Variants in ZDHHC20 observed in about 807,000 individuals in gnomAD.
ZDHHC20 encodes the protein zDHHC palmitoyltransferase 20.
In ZDHHC20, 43 loss-of-function variants were observed where a neutral mutation model predicts 57.8. The ratio of observed to expected loss-of-function variants is 0.74; its 90% confidence interval spans 0.58 to 0.96. The LOEUF (loss-of-function observed/expected upper bound fraction) is 0.96. Ranked by LOEUF, ZDHHC20 falls within the 40% of genes least tolerant of loss-of-function variation. The pLI is 0.00. For synonymous variants in ZDHHC20, 157 were observed against 153.0 expected (o/e 1.03, Z -0.19); for missense variants, 391 against 441.1 (o/e 0.89, Z 1.02).
At chr13:21,409,864 C>A (rs2094800057) in intron 4 of ZDHHC20, among the ~76,000 whole-genome samples, 1 of 152,178 alleles carries the variant, frequency 6.6e-6, no homozygotes, top group Non-Finnish European at 1.5e-5. Flanking sequence ...TTATTATCCA[C>A]CTTCTGAAGC....
At chr13:21,438,774 AAAGG>A (rs1207901013) in intron 1 of ZDHHC20, among the ~76,000 whole-genome samples, 2 of 152,194 alleles carry the variant, frequency 1.3e-5, no homozygotes, top group Admixed American at 1.3e-4. Context: ...AAATATTGTG[AAAGG>A]AAGAGTCAAC....
chr13:21,446,684 C>G (rs1883737329), intron 1 of ZDHHC20, among the ~76,000 whole-genome samples: 1 of 152,070 alleles, frequency 6.6e-6, no homozygotes, highest in South Asian at 2.1e-4. Context: ...AGTGTAATGC[C>G]CATCTGTTCA....
At chr13:21,384,566 G>T (rs1566064341) in intron 9 of ZDHHC20, among the ~76,000 whole-genome samples, 1 of 151,926 alleles carries the variant, frequency 6.6e-6, no homozygotes, top group Non-Finnish European at 1.5e-5. Context: ...TCTGCACTGT[G>T]GTGTACCTGA....
chr13:21,374,990 C>T lies in ZDHHC20; in HGVS notation c.*1706G>A, dbSNP rs1367084541. The T allele has an allele frequency of 4.8e-5, 18 of 372,022 alleles. No homozygotes were observed. The highest frequency in any genetic ancestry group is 8.9e-5 in the Non-Finnish European group (17 of 191,362). 23.0% of individuals were successfully genotyped at this position (372,022 alleles called of 1,614,324 possible). On this transcript the variant is annotated 3_prime_UTR_variant, in exon 13 of 13. Coordinates refer to ENST00000400590, the MANE Select transcript of ZDHHC20 (RefSeq NM_001330059.2). Reference sequence around the variant, plus strand: ...CTCTTCTAAAAATGTGAAAATTAGCCGGGCATGGTGGCATGAGCCTGTAAT... The same window carrying T: ...CTCTTCTAAAAATGTGAAAATTAGCTGGGCATGGTGGCATGAGCCTGTAAT...
At chr13:21,391,955 A>G in intron 7 of ZDHHC20, 101 bp from the exon 8 acceptor site, 2 of 1,301,578 alleles carry the variant, frequency 1.5e-6, no homozygotes, top group Middle Eastern at 1.9e-4. Context: ...TACTTGCCAT[A>G]TTTGAAAACT....
intron 3 of ZDHHC20, among the ~76,000 whole-genome samples, chr13:21,417,906 T>A (rs1234840899): frequency 2.0e-5 from 3 of 152,218 alleles, no homozygotes; most frequent in Admixed American, 2.0e-4. Context: ...GTGAGCTTGG[T>A]ATTACATTAA....
At chr13:21,458,850 G>A (rs1009988675) in intron 1 of ZDHHC20, among the ~76,000 whole-genome samples, 1 of 152,178 alleles carries the variant, frequency 6.6e-6, no homozygotes, top group Non-Finnish European at 1.5e-5. Context: ...AAGGCTTCAG[G>A]AGCCCCAGGT....
intron 7 of ZDHHC20, among the ~76,000 whole-genome samples, chr13:21,393,261 G>A (rs917926111): frequency 6.6e-6 from 1 of 151,446 alleles, no homozygotes; most frequent in African/African-American, 2.4e-5. Flanking sequence ...CCAGTACTTT[G>A]GGAGGCGGAG....
At chr13:21,449,606 T>C (rs1327303638) in intron 1 of ZDHHC20, among the ~76,000 whole-genome samples, 1 of 152,114 alleles carries the variant, frequency 6.6e-6, no homozygotes, top group African/African-American at 2.4e-5. Context: ...AAACAGACTA[T>C]TTCTTGATGG....
chr13:21,429,165 G>A (rs1881632456), intron 1 of ZDHHC20, among the ~76,000 whole-genome samples: 1 of 152,092 alleles, frequency 6.6e-6, no homozygotes, highest in African/African-American at 2.4e-5. Context: ...CTATGGCTAT[G>A]GGATCCAGTT....
Position 21,374,428 on chromosome 13 carries a change from T to A in ZDHHC20, c.*2268A>T, listed in dbSNP as rs1229024383. On this transcript the variant is annotated 3_prime_UTR_variant, in exon 13 of 13. Transcript: ENST00000400590. ...TTTTGTATTTTTAGTGGAGACAGGG[T>A]TTTGCCATTTTGACCAGGCTAATCT... 1.1e-5 allele frequency: 5 copies of A among 455,568 alleles called. No homozygotes were observed. Among genetic ancestry groups the A allele is most frequent in the African/African-American group, 1.0e-4 (5 of 50,118 alleles). The allele number at this position is 455,568 out of a possible 1,614,324, so 28.2% of individuals were successfully genotyped here. A position where few individuals can be genotyped will look rare whatever the true frequency, so the allele number is the denominator to read the frequency against.
intron 5 of ZDHHC20, 70 bp downstream of exon 5, chr13:21,402,727 C>T: frequency 4.6e-6 from 6 of 1,291,748 alleles, no homozygotes; most frequent in East Asian, 2.5e-5. Flanking sequence ...TAAAATGTTC[C>T]TTCCCCTTGC....
chr13:21,422,258 C>T (rs1403208033), intron 2 of ZDHHC20, among the ~76,000 whole-genome samples: 1 of 147,802 alleles, frequency 6.8e-6, no homozygotes, highest in Non-Finnish European at 1.5e-5. Flanking sequence ...CACTGGTCTG[C>T]GCTGAAAAAA....
chr13:21,379,177 GACA>G (rs1349298398), intron 11 of ZDHHC20, among the ~76,000 whole-genome samples: 1 of 152,024 alleles, frequency 6.6e-6, no homozygotes, highest in Non-Finnish European at 1.5e-5. Flanking sequence ...TAAAAGTCAA[GACA>G]ACAACAAAAA....
chr13:21,372,576 A>AT lies in ZDHHC20; in HGVS notation c.*4119dup, dbSNP rs1398037697. 1 of 152,224 alleles carries AT rather than the reference A, an allele frequency of 6.6e-6. No homozygotes were observed. The highest frequency in any genetic ancestry group is 1.5e-5 in the Non-Finnish European group (1 of 68,034). 9.4% of individuals were successfully genotyped at this position (152,224 alleles called of 1,614,324 possible). On this transcript the variant is annotated 3_prime_UTR_variant, in exon 13 of 13. Transcript: ENST00000400590. ...CTTTATAACAAAGAAAACACTTCAAATACAAGACTTTGTTTATTAATAAAG... is the reference window on the plus strand; with the variant it reads ...CTTTATAACAAAGAAAACACTTCAAATTACAAGACTTTGTTTATTAATAAAG...
At chr13:21,406,995 C>T (rs935921755) in intron 4 of ZDHHC20, among the ~76,000 whole-genome samples, 15 of 152,146 alleles carry the variant, frequency 9.9e-5, no homozygotes, top group African/African-American at 3.6e-4. Context: ...TACACTCCCA[C>T]AAACAGTGTA....
At chr13:21,382,320 A>G (rs1488284575) in intron 10 of ZDHHC20, among the ~76,000 whole-genome samples, 1 of 152,162 alleles carries the variant, frequency 6.6e-6, no homozygotes, top group Admixed American at 6.6e-5. Context: ...CTTCTCCTAC[A>G]ACTTATTTCT....
At position 21,459,078 on chromosome 13, in the gene ZDHHC20, C is replaced by A. The variant is rs1263582728; in HGVS notation, c.94G>T (p.Ala32Ser). The A allele has an allele frequency of 2.5e-6, 4 of 1,604,922 alleles. No homozygotes were observed. The African/African-American group carries it at 4.1e-5, about 16-fold the overall frequency. The change falls in exon 1 of 13, where the codon GCG (alanine) becomes TCG (serine). Residue 32 changes from alanine (A) to serine (S), a missense_variant. Transcript: ENST00000400590. The stretch of plus-strand genomic sequence containing the variant: ...CACACGCAGAGCTCCACCACGTACG[C>A]GTAGTAGGACCAGACGACCACGAAG... Reference protein sequence around the residue: ...ITFVVVWSYYAYVVELCVFTI... With the variant: ...ITFVVVWSYYSYVVELCVFTI...
At chr13:21,428,729 G>A (rs919160301) in intron 1 of ZDHHC20, among the ~76,000 whole-genome samples, 3 of 151,560 alleles carry the variant, frequency 2.0e-5, no homozygotes, top group Admixed American at 6.6e-5. Flanking sequence ...GCATGGTGGC[G>A]TGCGCCTGTA....
Sources: gnomAD v4.1 joint callset for allele counts (sites outside exome capture counted in the v4.1 genomes callset) on GRCh38, gnomAD v4.1.1 for gene constraint, MANE v1.5 for transcripts, NCBI Gene and HGNC (gene_info 2026-07-23, HGNC 2026-07-21) for gene names.